Variants in DOCK4 observed in about 807,000 individuals in gnomAD.
The protein encoded by DOCK4 is dedicator of cytokinesis protein 4.
A neutral mutation model predicts 268.1 loss-of-function variants in DOCK4; 97 were observed. The ratio of observed to expected loss-of-function variants is 0.36; its 90% CI spans 0.31 to 0.43. The LOEUF (loss-of-function observed/expected upper bound fraction) is 0.43, where lower values mean the gene tolerates loss of function less well. Ranked by LOEUF, DOCK4 falls within the 20% of genes least tolerant of loss-of-function variation. The pLI, the probability that DOCK4 is intolerant of heterozygous loss-of-function variation, is 1.00. For synonymous variants in DOCK4, 954 were observed against 887.2 expected, an observed-to-expected ratio of 1.08 and a Z score of -1.34; for missense variants, 2,145 against 2,455.7, an observed-to-expected ratio of 0.87 and a Z score of 2.67.
chr7:112,130,549 C>G (rs1470198708), intron 1 of DOCK4, among the ~76,000 whole-genome samples: 2 of 152,116 alleles, frequency 1.3e-5, no homozygotes, highest in African/African-American at 4.8e-5. Context: ...CTATGTAAAG[C>G]AAGTAAAATT....
intron 32 of DOCK4, among the ~76,000 whole-genome samples, chr7:111,786,344 A>G (rs1799162896): frequency 1.3e-5 from 2 of 152,186 alleles, no homozygotes; most frequent in African/African-American, 4.8e-5. Context: ...GGAGTGCCCA[A>G]TAGATAAAGC....
chr7:112,040,076 A>T (rs1804219428), intron 1 of DOCK4, among the ~76,000 whole-genome samples: 1 of 152,206 alleles, frequency 6.6e-6, no homozygotes, highest in South Asian at 2.1e-4. Context: ...CTCTATATGT[A>T]TACTGACCCA....
At chr7:112,006,437 T>C (rs1314620955) in intron 1 of DOCK4, among the ~76,000 whole-genome samples, 4 of 152,220 alleles carry the variant, frequency 2.6e-5, no homozygotes, top group Non-Finnish European at 4.4e-5. Flanking sequence ...CATTCTTTCA[T>C]AGGAGTTGTT....
intron 23 of DOCK4, among the ~76,000 whole-genome samples, chr7:111,857,679 C>G (rs1004279351): frequency 2.0e-5 from 3 of 152,092 alleles, no homozygotes; most frequent in Admixed American, 6.6e-5. Context: ...AATGTAAAAC[C>G]CACAGCTCTA....
chr7:111,863,647 G>T, intron 22 of DOCK4, 83 bp from the exon 23 acceptor site: 1 of 1,360,728 alleles, frequency 7.3e-7, no homozygotes, highest in Non-Finnish European at 9.8e-7. Flanking sequence ...TTTAAGGACC[G>T]TGGCAAGTGT....
chr7:111,748,304 A>G (rs1171146140), intron 42 of DOCK4, among the ~76,000 whole-genome samples: 1 of 152,192 alleles, frequency 6.6e-6, no homozygotes, highest in Non-Finnish European at 1.5e-5. Flanking sequence ...AAGACTGAAC[A>G]TTCATCAAAG....
In DOCK4 at chr7:111,811,871, T is replaced by C; in HGVS notation, c.3006+3A>G. ...CAGGAGAGTCATATAAATGAATGCT[T>C]ACCTTATAATCAAAGTTTTCATTTA... On this transcript the variant is annotated splice_donor_region_variant and intron_variant, in intron 28 of 52. Coordinates refer to ENST00000428084, the MANE Select transcript of DOCK4 (RefSeq NM_001363540.2). 6.7e-7 allele frequency: 1 copy of C among 1,489,198 alleles called. No homozygotes were observed. The highest frequency in any genetic ancestry group is 1.2e-5 in the South Asian group (1 of 82,386). The allele number at this position is 1,489,198 out of a possible 1,614,324, so 92.2% of individuals were successfully genotyped here.
intron 44 of DOCK4, among the ~76,000 whole-genome samples, chr7:111,744,312 C>G (rs1363612763): frequency 6.6e-6 from 1 of 152,144 alleles, no homozygotes; most frequent in African/African-American, 2.4e-5. Context: ...TGGGGTGGTG[C>G]ATGTCTCTGT....
intron 1 of DOCK4, among the ~76,000 whole-genome samples, chr7:112,143,089 G>T (rs1265014278): frequency 6.6e-6 from 1 of 151,650 alleles, no homozygotes; most frequent in African/African-American, 2.4e-5. Flanking sequence ...GTTAGGTAAG[G>T]GACTCTTTCT....
At chr7:112,037,146 TGA>T (rs549050563) in intron 1 of DOCK4, among the ~76,000 whole-genome samples, 473 of 152,288 alleles carry the variant, frequency 3.1e-3, no homozygotes, top group Non-Finnish European at 4.4e-3. Flanking sequence ...ATAAATTACA[TGA>T]GATATTCAAC....
intron 4 of DOCK4, among the ~76,000 whole-genome samples, chr7:111,996,800 G>T (rs1448206755): frequency 6.6e-6 from 1 of 151,980 alleles, no homozygotes; most frequent in African/African-American, 2.4e-5. Context: ...TACTAACCAG[G>T]ATTTAAAAAA....
intron 1 of DOCK4, among the ~76,000 whole-genome samples, chr7:112,148,209 T>C (rs1332962311): frequency 6.6e-6 from 1 of 152,136 alleles, no homozygotes; most frequent in Admixed American, 6.6e-5. Flanking sequence ...TCTTCATTGC[T>C]GGAGTCAAGA....
chr7:112,183,502 G>C (rs1432105042), intron 1 of DOCK4, among the ~76,000 whole-genome samples: 2 of 152,172 alleles, frequency 1.3e-5, no homozygotes, highest in Non-Finnish European at 2.9e-5. Context: ...TCACTGTCTT[G>C]TCACCTCACG....
intron 23 of DOCK4, among the ~76,000 whole-genome samples, chr7:111,859,722 T>C (rs566926343): frequency 8.6e-5 from 13 of 151,374 alleles, no homozygotes; most frequent in South Asian, 6.3e-4. Flanking sequence ...CGCCCGCCAC[T>C]ACGCCCGGCT....
At chr7:111,799,595 C>T (rs1800125323) in intron 30 of DOCK4, among the ~76,000 whole-genome samples, 2 of 152,132 alleles carry the variant, frequency 1.3e-5, no homozygotes, top group Non-Finnish European at 1.5e-5. Flanking sequence ...CCCCTGACAG[C>T]CCAGAGGAAT....
Position 111,728,291 on chromosome 7 carries a change from T to G in DOCK4, c.5911A>C (p.Lys1971Gln). Residue 1971 changes from lysine to glutamine, a missense_variant, in exon 53 of 53, where the codon AAG (lysine) becomes CAG (glutamine). By Grantham distance (53) the Lys-to-Gln change is moderately conservative. Transcript: ENST00000428084. ...PGPRPRPLPR[K>Q]VSQL is the part of the protein sequence containing the mutation. ...AAAGTGACTTATAACTGAGAGACCT[T>G]GCGGGGCAGGGGCCTGGGCCGCGGG... 6.7e-7 allele frequency: 1 copy of G among 1,498,876 alleles called. No homozygotes were observed. The highest frequency in any genetic ancestry group is 8.9e-7 in the Non-Finnish European group (1 of 1,124,190). The allele number at this position is 1,498,876 out of a possible 1,614,324, so 92.8% of individuals were successfully genotyped here.
rs537292402 is a variant in DOCK4, at chr7:112,060,713, C to A, written c.38-56582G>T. On this transcript the variant is annotated intron_variant, in intron 1 of 52. Coordinates refer to ENST00000428084, the MANE Select transcript of DOCK4 (RefSeq NM_001363540.2). The stretch of plus-strand genomic sequence containing the variant: ...GAACATTCTGCTAACTGAAATAAGC[C>A]AGGCACAAAAAGACAAATACTGTAT... Among the ~76,000 whole-genome samples the A allele has an allele frequency of 1.2e-4, 19 of 152,262 alleles. No individual in the cohort carries two copies. The East Asian group carries it at 3.7e-3, about 29-fold the overall frequency.
At chr7:112,117,458 C>G (rs939897606) in intron 1 of DOCK4, among the ~76,000 whole-genome samples, 4 of 152,156 alleles carry the variant, frequency 2.6e-5, no homozygotes, top group African/African-American at 9.7e-5. Context: ...GCAGCCTCCA[C>G]CTCCAGGGTT....
chr7:112,140,966 A>G (rs886383878), intron 1 of DOCK4, among the ~76,000 whole-genome samples: 1 of 152,182 alleles, frequency 6.6e-6, no homozygotes, highest in Non-Finnish European at 1.5e-5. Flanking sequence ...ATAAAAACAA[A>G]TAAAATTTCT....
Sources: allele counts gnomAD v4.1 joint callset (sites outside exome capture counted in the v4.1 genomes callset), GRCh38; gene constraint gnomAD v4.1.1; transcripts MANE v1.5; gene names NCBI Gene and HGNC (gene_info 2026-07-23, HGNC 2026-07-21).